The following PCDHA6 variants were observed in gnomAD, a reference collection of about 807,000 sequenced individuals.
The protein encoded by PCDHA6 is protocadherin alpha-6.
Under a neutral mutation model 60.3 loss-of-function variants are expected in PCDHA6, and 55 were observed. The ratio of observed to expected loss-of-function variants is 0.91; its 90% CI spans 0.73 to 1.14. The LOEUF is 1.14. PCDHA6 is among the 50% of genes most tolerant of loss of function. The pLI is 0.00. For missense variants in PCDHA6, 1,327 were observed against 1,256.5 expected (o/e 1.06, Z -0.85); for synonymous variants, 652 against 557.9 (o/e 1.17, Z -2.38).
intron 1 of PCDHA6, among the ~76,000 whole-genome samples, chr5:140,890,661 A>G (rs1384784805): frequency 6.6e-6 from 1 of 152,198 alleles, no homozygotes; most frequent in Non-Finnish European, 1.5e-5. Flanking sequence ...TCAAAAGTTA[A>G]CTGAAACCCT....
intron 1 of PCDHA6, among the ~76,000 whole-genome samples, chr5:140,940,086 A>C (rs373629874): frequency 6.6e-6 from 1 of 152,214 alleles, no homozygotes; most frequent in Non-Finnish European, 1.5e-5. Flanking sequence ...TTTCTGCTAA[A>C]TTGAAACTTT....
chr5:140,883,397 C>A, intron 1 of PCDHA6: 1 of 1,614,170 alleles, frequency 6.2e-7, no homozygotes. Flanking sequence ...TGTGTCCGAT[C>A]GTGACTCTGG....
At chr5:140,936,007 C>G (rs1338541274) in intron 1 of PCDHA6, among the ~76,000 whole-genome samples, 3 of 151,820 alleles carry the variant, frequency 2.0e-5, no homozygotes, top group African/African-American at 7.3e-5. Flanking sequence ...ATTCTCCCAC[C>G]TCAGCCTCCC....
chr5:140,902,894 A>G (rs1370660183), intron 1 of PCDHA6, among the ~76,000 whole-genome samples: 1 of 152,170 alleles, frequency 6.6e-6, no homozygotes, highest in Non-Finnish European at 1.5e-5. Flanking sequence ...CTATTATTTT[A>G]TTTAGTTTAT....
chr5:140,863,401 CCCACGCTGGTGT>C, intron 1 of PCDHA6: 2 of 854,408 alleles, frequency 2.3e-6, no homozygotes, highest in East Asian at 4.2e-5. Flanking sequence ...GCCGGGCAAG[CCCACGCTGGTGT>C]ACCGCAGCGT....
chr5:140,938,928 T>G (rs1220764640), intron 1 of PCDHA6, among the ~76,000 whole-genome samples: 2 of 152,104 alleles, frequency 1.3e-5, no homozygotes, highest in African/African-American at 4.8e-5. Flanking sequence ...AAATTGGCTT[T>G]TAACTTTCCA....
rs1444177179 is a variant in PCDHA6 at position 140,984,821 on chromosome 5, T to C, written c.2542+2258T>C. On this transcript the variant is annotated intron_variant, in intron 3 of 3. Transcript: ENST00000529310. ...CTGCCTGAATTCATATTTTCTTAAT[T>C]ACCCTTTCTGTAAATTGGGTGTAGT... Among the ~76,000 whole-genome samples, 4 of 152,192 alleles carry C rather than the reference T, an allele frequency of 2.6e-5. No individual in the cohort carries two copies. In the East Asian group the frequency reaches 7.7e-4, roughly 29 times the overall value.
intron 1 of PCDHA6, among the ~76,000 whole-genome samples, chr5:140,959,938 G>T (rs937975013): frequency 6.6e-6 from 1 of 152,130 alleles, no homozygotes; most frequent in Non-Finnish European, 1.5e-5. Flanking sequence ...CATTACTTAG[G>T]CAGAATATCA....
chr5:140,858,255 C>A, intron 1 of PCDHA6: 1 of 1,596,962 alleles, frequency 6.3e-7, no homozygotes, highest in Non-Finnish European at 8.6e-7. Context: ...GTGAAGCCCA[C>A]GCTGGTGTGC....
At chr5:140,914,654 T>C (rs2076794688) in intron 1 of PCDHA6, among the ~76,000 whole-genome samples, 1 of 152,202 alleles carries the variant, frequency 6.6e-6, no homozygotes, top group Non-Finnish European at 1.5e-5. Flanking sequence ...CTCTCCCTTC[T>C]TTCCATCTTC....
intron 3 of PCDHA6, among the ~76,000 whole-genome samples, chr5:141,000,343 C>G (rs1410684542): frequency 1.7e-5 from 2 of 116,202 alleles, no homozygotes; most frequent in Admixed American, 9.0e-5. Context: ...GGCCCTATCT[C>G]TCTCTCTGTC....
intron 1 of PCDHA6, chr5:140,868,353 A>T (rs1303376076): frequency 6.6e-6 from 1 of 152,174 alleles, no homozygotes; most frequent in Non-Finnish European, 1.5e-5. Flanking sequence ...ATCAGAAAGC[A>T]ATTAAATGTA....
Position 140,856,821 on chromosome 5 carries a change from C to G in PCDHA6, c.2394+26336C>G, listed in dbSNP as rs1554149155. ...ATGTATGAAAATCAAGTGAACCAAA[C>G]ATTAGTAATACGGCTCAACGCTTCT... is the stretch of plus-strand genomic sequence containing the variant. On this transcript the variant is annotated intron_variant, in intron 1 of 3. Transcript: ENST00000529310. 2.5e-6 allele frequency: 4 copies of G among 1,592,396 alleles called. 1 individual carries two copies. The South Asian group carries it at 4.4e-5, about 18-fold the overall frequency.
At chr5:140,879,396 T>C (rs2057974571) in intron 1 of PCDHA6, among the ~76,000 whole-genome samples, 1 of 152,174 alleles carries the variant, frequency 6.6e-6, no homozygotes, top group Non-Finnish European at 1.5e-5. Context: ...AAACAGTTTG[T>C]GTGTATTTGA....
chr5:140,862,892 CTT>C (rs1554157185), intron 1 of PCDHA6: 2 of 562,274 alleles, frequency 3.6e-6, no homozygotes, highest in South Asian at 1.4e-5. Flanking sequence ...GGAACGACAA[CTT>C]TGTCTGCGCT....
intron 1 of PCDHA6, among the ~76,000 whole-genome samples, chr5:140,974,864 C>T (rs949061887): frequency 6.6e-6 from 1 of 152,124 alleles, no homozygotes; most frequent in Non-Finnish European, 1.5e-5. Flanking sequence ...TGCCTTAATG[C>T]GGAACAGTCT....
intron 1 of PCDHA6, chr5:140,852,998 C>A (rs2150526910): frequency 6.5e-6 from 2 of 309,332 alleles, no homozygotes; most frequent in East Asian, 1.7e-4. Context: ...CCTGCCTCAG[C>A]CTCCCGAGTA....
At chr5:140,944,046 G>A (rs782798105) in intron 1 of PCDHA6, among the ~76,000 whole-genome samples, 3 of 152,158 alleles carry the variant, frequency 2.0e-5, no homozygotes, top group Non-Finnish European at 4.4e-5. Context: ...AACCAGATTG[G>A]GATACAAAAA....
intron 1 of PCDHA6, among the ~76,000 whole-genome samples, chr5:140,912,788 A>G (rs1467959281): frequency 6.6e-6 from 1 of 152,104 alleles, no homozygotes; most frequent in East Asian, 1.9e-4. Context: ...CTTCTATGCC[A>G]ATTTTCTTGA....
Sources: allele counts gnomAD v4.1 joint callset (sites outside exome capture counted in the v4.1 genomes callset), GRCh38; gene constraint gnomAD v4.1.1; transcripts MANE v1.5; gene names NCBI Gene and HGNC (gene_info 2026-07-23, HGNC 2026-07-21).